DLG2: variants seen among roughly 807,000 people sequenced by gnomAD.
The protein encoded by DLG2 is disks large homolog 2.
A neutral mutation model predicts 132.5 loss-of-function variants in DLG2; 45 were observed. The ratio of observed to expected loss-of-function variants is 0.34; its 90% CI spans 0.27 to 0.44. The LOEUF (loss-of-function observed/expected upper bound fraction) is 0.44. Ranked by LOEUF, DLG2 falls within the 20% of genes least tolerant of loss-of-function variation. The pLI is 1.00. For missense variants in DLG2, 1,045 were observed against 1,196.9 expected (o/e 0.87, Z 1.87); for synonymous variants, 424 against 419.6 (o/e 1.01, Z -0.13).
intron 6 of DLG2, among the ~76,000 whole-genome samples, chr11:84,664,216 C>A (rs1395485218): frequency 1.3e-5 from 2 of 152,124 alleles, no homozygotes; most frequent in African/African-American, 2.4e-5. Flanking sequence ...CTGTGAATGA[C>A]ATTTGTGTAC....
chr11:83,827,787 C>T (rs932428893), intron 17 of DLG2, among the ~76,000 whole-genome samples: 2 of 152,176 alleles, frequency 1.3e-5, no homozygotes, highest in African/African-American at 4.8e-5. Flanking sequence ...TTCTAGCTTT[C>T]CTTCTGCAGA....
In DLG2 at chr11:85,012,527, G is replaced by GA. The variant is rs981966998; in HGVS notation, c.357+99133dup. 2.7e-3 allele frequency among the ~76,000 whole-genome samples: 394 copies of GA among 143,590 alleles called. 2 individuals are homozygous for GA. Among genetic ancestry groups the GA allele is most frequent in the Non-Finnish European group, 4.2e-3 (276 of 65,212 alleles). The allele number at this position is 143,590 out of a possible 152,430, so 94.2% of individuals were successfully genotyped here. On this transcript the variant is annotated intron_variant, in intron 6 of 27. Transcript: ENST00000376104. Reference sequence around the variant, plus strand: ...CAATAAGAGCAAAACTCTGTCTCAAGAAAAAAAAAATACAATGTGATAGGC... The same window carrying GA: ...CAATAAGAGCAAAACTCTGTCTCAAGAAAAAAAAAAATACAATGTGATAGGC...
At chr11:83,972,370 GA>G (rs1288980903) in intron 12 of DLG2, among the ~76,000 whole-genome samples, 1 of 152,110 alleles carries the variant, frequency 6.6e-6, no homozygotes, top group Non-Finnish European at 1.5e-5. Flanking sequence ...CCATGAAGTT[GA>G]AAAGACTCTG....
chr11:84,030,978 A>T (rs1236498796), intron 11 of DLG2, among the ~76,000 whole-genome samples: 4 of 152,138 alleles, frequency 2.6e-5, no homozygotes, highest in Non-Finnish European at 4.4e-5. Context: ...ATCCAAAGGA[A>T]GCCTTGCTTC....
At chr11:84,749,145 TG>T (rs1184346964) in intron 6 of DLG2, among the ~76,000 whole-genome samples, 1 of 152,208 alleles carries the variant, frequency 6.6e-6, no homozygotes, top group Non-Finnish European at 1.5e-5. Flanking sequence ...AGAATTTTTT[TG>T]GTCTTTCAGT....
At chr11:84,621,153 C>T (rs1042414143) in intron 6 of DLG2, among the ~76,000 whole-genome samples, 3 of 151,988 alleles carry the variant, frequency 2.0e-5, no homozygotes, top group Admixed American at 1.3e-4. Flanking sequence ...TATTCTAATT[C>T]TTAACTTGGA....
chr11:84,812,097 G>A (rs2076620725), intron 6 of DLG2, among the ~76,000 whole-genome samples: 1 of 152,126 alleles, frequency 6.6e-6, no homozygotes, highest in South Asian at 2.1e-4. Flanking sequence ...AGACACTGAA[G>A]ATAGAAACAG....
intron 7 of DLG2, among the ~76,000 whole-genome samples, chr11:84,363,135 A>C (rs1336138524): frequency 1.3e-5 from 2 of 151,300 alleles, no homozygotes; most frequent in Non-Finnish European, 3.0e-5. Flanking sequence ...AACAGTGTAA[A>C]AGTGTTCCTA....
chr11:84,096,522 A>G (rs2097167677), intron 10 of DLG2, among the ~76,000 whole-genome samples: 1 of 152,172 alleles, frequency 6.6e-6, no homozygotes, highest in Non-Finnish European at 1.5e-5. Context: ...AACATATAAC[A>G]TAAAATCTAT....
intron 10 of DLG2, among the ~76,000 whole-genome samples, chr11:84,091,729 G>A (rs371481321): frequency 5.3e-5 from 8 of 152,196 alleles, no homozygotes; most frequent in Non-Finnish European, 8.8e-5. Flanking sequence ...GAATCTAGAC[G>A]TGACTCAGAG....
chr11:84,673,802 T>C (rs1244958126), intron 6 of DLG2, among the ~76,000 whole-genome samples: 1 of 152,088 alleles, frequency 6.6e-6, no homozygotes, highest in Non-Finnish European at 1.5e-5. Flanking sequence ...GGATAACTTA[T>C]AGGGACTTCC....
At chr11:83,600,798 C>T in intron 19 of DLG2, among the ~76,000 whole-genome samples, 1 of 152,246 alleles carries the variant, frequency 6.6e-6, no homozygotes, top group Admixed American at 6.5e-5. Context: ...TCTTGTCAAA[C>T]ATGGGCTATA....
chr11:84,767,926 A>G (rs1370594697), intron 6 of DLG2, among the ~76,000 whole-genome samples: 1 of 152,052 alleles, frequency 6.6e-6, no homozygotes, highest in Non-Finnish European at 1.5e-5. Flanking sequence ...TACATGTATT[A>G]TCAGGAGAAA....
intron 3 of DLG2, among the ~76,000 whole-genome samples, chr11:85,512,675 A>G (rs2094100831): frequency 6.6e-6 from 1 of 152,092 alleles, no homozygotes; most frequent in South Asian, 2.1e-4. Context: ...ACTTTTTAAT[A>G]AAAAGTCAAA....
intron 6 of DLG2, among the ~76,000 whole-genome samples, chr11:84,680,603 T>A (rs140817408): frequency 1.4e-4 from 21 of 152,336 alleles, no homozygotes; most frequent in African/African-American, 5.0e-4. Context: ...AAAATTTAGC[T>A]AATCTGATGG....
chr11:84,100,949 C>T (rs1311373327), intron 9 of DLG2, among the ~76,000 whole-genome samples: 1 of 152,112 alleles, frequency 6.6e-6, no homozygotes, highest in Non-Finnish European at 1.5e-5. Context: ...TCAGCTATGG[C>T]AACTAAAATC....
intron 6 of DLG2, among the ~76,000 whole-genome samples, chr11:85,087,318 TC>T (rs2068067381): frequency 6.6e-6 from 1 of 152,072 alleles, no homozygotes; most frequent in Non-Finnish European, 1.5e-5. Context: ...CTAGGAGGAA[TC>T]CCATGGATAG....
intron 7 of DLG2, among the ~76,000 whole-genome samples, chr11:84,304,782 G>A (rs572898001): frequency 7.9e-5 from 12 of 152,252 alleles, no homozygotes; most frequent in East Asian, 1.9e-4. Context: ...TACACAAAAC[G>A]AAGTATCAGG....
chr11:84,062,092 T>C (rs1485192122), intron 10 of DLG2, among the ~76,000 whole-genome samples: 1 of 152,216 alleles, frequency 6.6e-6, no homozygotes, highest in East Asian at 1.9e-4. Context: ...AGGCTATATA[T>C]ATCTATTCAA....
Sources: allele counts gnomAD v4.1 joint callset (sites outside exome capture counted in the v4.1 genomes callset), GRCh38; gene constraint gnomAD v4.1.1; transcripts MANE v1.5; gene names NCBI Gene and HGNC (gene_info 2026-07-23, HGNC 2026-07-21).